The following UTRN variants were observed in gnomAD, a reference collection of about 807,000 sequenced individuals.
UTRN encodes the protein utrophin.
A neutral mutation model predicts 463.9 loss-of-function variants in UTRN; 283 were observed. The ratio of observed to expected loss-of-function variants is 0.61; its 90% CI spans 0.55 to 0.67. The LOEUF (loss-of-function observed/expected upper bound fraction) is 0.67, where lower values mean the gene tolerates loss of function less well. UTRN is among the 30% of genes least tolerant of loss of function. The pLI is 0.00. For synonymous variants in UTRN, 1,442 were observed against 1,431.5 expected, an observed-to-expected ratio of 1.01 and a Z score of -0.17; for missense variants, 3,922 against 4,084.3, an observed-to-expected ratio of 0.96 and a Z score of 1.08.
chr6:144,478,103 C>A (rs1791442018), intron 25 of UTRN, among the ~76,000 whole-genome samples: 1 of 152,038 alleles, frequency 6.6e-6, no homozygotes, highest in Non-Finnish European at 1.5e-5. Context: ...TTTGGACAAA[C>A]ATAATTTTGC....
At chr6:144,526,492 A>G (rs146702253) in intron 41 of UTRN, among the ~76,000 whole-genome samples, 25,201 of 152,068 alleles carry the variant, frequency 0.17, 2,290 homozygotes, top group South Asian at 0.31. Flanking sequence ...TGATATAAGA[A>G]TAGCTACTCC....
intron 2 of UTRN, among the ~76,000 whole-genome samples, chr6:144,310,721 T>A (rs947631345): frequency 6.6e-6 from 1 of 152,172 alleles, no homozygotes; most frequent in Non-Finnish European, 1.5e-5. Flanking sequence ...GAGGTTGCAT[T>A]GAGCTGAGAT....
intron 54 of UTRN, 124 bp from the exon 55 acceptor site, chr6:144,748,122 C>T: frequency 8.0e-7 from 1 of 1,254,566 alleles, no homozygotes; most frequent in Non-Finnish European, 1.1e-6. Context: ...CAATTTTTAC[C>T]CTGGAGTAAT....
intron 19 of UTRN, among the ~76,000 whole-genome samples, chr6:144,456,930 GAC>G (rs1788896674): frequency 6.6e-6 from 1 of 152,070 alleles, no homozygotes; most frequent in African/African-American, 2.4e-5. Context: ...AATAGTGATA[GAC>G]TGAGAAGTGT....
chr6:144,539,595 A>G, intron 45 of UTRN, 152 bp downstream of exon 45: 3 of 752,990 alleles, frequency 4.0e-6, no homozygotes, highest in Non-Finnish European at 5.9e-6. Flanking sequence ...TCTGTCATAG[A>G]CAGAGGCATA....
intron 51 of UTRN, among the ~76,000 whole-genome samples, chr6:144,662,497 CA>C (rs1779975134): frequency 6.6e-6 from 1 of 152,210 alleles, no homozygotes; most frequent in African/African-American, 2.4e-5. Flanking sequence ...GTCTCTTCCT[CA>C]GTATTAGTAA....
chr6:144,803,866 A>AT (rs1300146315), intron 65 of UTRN, among the ~76,000 whole-genome samples: 1 of 152,112 alleles, frequency 6.6e-6, no homozygotes, highest in Non-Finnish European at 1.5e-5. Context: ...CAGTCAATGA[A>AT]TATGGGTATT....
At chr6:144,712,982 G>A (rs1376996376) in intron 53 of UTRN, among the ~76,000 whole-genome samples, 1 of 152,160 alleles carries the variant, frequency 6.6e-6, no homozygotes, top group Non-Finnish European at 1.5e-5. Flanking sequence ...AAGACTGAAA[G>A]AAGAAAATAC....
chr6:144,587,675 T>C (rs371560606), intron 51 of UTRN, among the ~76,000 whole-genome samples: 2 of 152,168 alleles, frequency 1.3e-5, no homozygotes, highest in African/African-American at 4.8e-5. Flanking sequence ...CACCTTTTTT[T>C]CACAGGAGAA....
At chr6:144,489,337 C>T (rs181015015) in intron 30 of UTRN, among the ~76,000 whole-genome samples, 91 of 152,196 alleles carry the variant, frequency 6.0e-4, no homozygotes, top group Non-Finnish European at 8.5e-4. Flanking sequence ...TTAGTAGAGA[C>T]GGGGTTTTGC....
At chr6:144,497,673 ACT>A (rs1206429691) in intron 33 of UTRN, among the ~76,000 whole-genome samples, 4 of 150,214 alleles carry the variant, frequency 2.7e-5, no homozygotes, top group South Asian at 2.1e-4. Context: ...AAGAGTGAAA[ACT>A]CTGTCTCAAA....
intron 2 of UTRN, among the ~76,000 whole-genome samples, chr6:144,397,548 T>G (rs1584605284): frequency 1.3e-5 from 2 of 152,314 alleles, no homozygotes; most frequent in East Asian, 3.9e-4. Flanking sequence ...TGGATTGTCT[T>G]AGCCTTATTT....
At chr6:144,432,995 G>T (rs1455667494) in intron 9 of UTRN, among the ~76,000 whole-genome samples, 1 of 152,174 alleles carries the variant, frequency 6.6e-6, no homozygotes, top group African/African-American at 2.4e-5. Context: ...AGAGCACAGG[G>T]TTGGGGGCAA....
intron 69 of UTRN, among the ~76,000 whole-genome samples, chr6:144,833,782 G>A (rs1780873247): frequency 6.6e-6 from 1 of 152,180 alleles, no homozygotes; most frequent in African/African-American, 2.4e-5. Flanking sequence ...TCCTGGTGGT[G>A]TTGAGACATT....
At chr6:144,338,175 A>G (rs1301353162) in intron 2 of UTRN, among the ~76,000 whole-genome samples, 1 of 152,124 alleles carries the variant, frequency 6.6e-6, no homozygotes, top group East Asian at 1.9e-4. Context: ...TGCTTTTTAT[A>G]ATTTTTTGAA....
chr6:144,314,626 A>G (rs916754286), intron 2 of UTRN, among the ~76,000 whole-genome samples: 2 of 152,236 alleles, frequency 1.3e-5, no homozygotes, highest in Non-Finnish European at 2.9e-5. Context: ...TGTTACATAA[A>G]GCCTCCAGAG....
At chr6:144,493,671 C>A (rs1291581998) in intron 33 of UTRN, among the ~76,000 whole-genome samples, 1 of 152,126 alleles carries the variant, frequency 6.6e-6, no homozygotes, top group African/African-American at 2.4e-5. Context: ...TTCATAGTTA[C>A]ATAGAAATTT....
intron 2 of UTRN, among the ~76,000 whole-genome samples, chr6:144,296,873 G>A (rs1444515808): frequency 6.6e-6 from 1 of 152,168 alleles, no homozygotes; most frequent in Admixed American, 6.5e-5. Context: ...AAGGCCAATT[G>A]TAAGAGACAC....
intron 52 of UTRN, among the ~76,000 whole-genome samples, chr6:144,695,052 G>A (rs1351159595): frequency 6.7e-6 from 1 of 149,198 alleles, no homozygotes; most frequent in Non-Finnish European, 1.5e-5. Context: ...CATTGGTTCT[G>A]TATTTCACAT....
Sources: allele counts gnomAD v4.1 joint callset (sites outside exome capture counted in the v4.1 genomes callset), GRCh38; gene constraint gnomAD v4.1.1; transcripts MANE v1.5; gene names NCBI Gene and HGNC (gene_info 2026-07-23, HGNC 2026-07-21).